Variants in CMTR1 observed in about 807,000 individuals in gnomAD.
CMTR1 encodes cap methyltransferase 1.
Under a neutral mutation model 107.0 loss-of-function variants are expected in CMTR1, and 39 were observed. That is an observed-to-expected ratio of 0.36 (90% confidence interval 0.28 to 0.48). The LOEUF (loss-of-function observed/expected upper bound fraction) is 0.48, where lower values mean the gene tolerates loss of function less well. CMTR1 is among the 20% of genes least tolerant of loss of function. The pLI, the probability that CMTR1 is intolerant of heterozygous loss-of-function variation, is 0.99. For synonymous variants in CMTR1, 366 were observed against 379.5 expected, an observed-to-expected ratio of 0.96 and a Z score of 0.41; for missense variants, 672 against 1,064.9, an observed-to-expected ratio of 0.63 and a Z score of 5.14.
At chr6:37,445,850 G>A (rs905177254) in intron 3 of CMTR1, among the ~76,000 whole-genome samples, 3 of 152,136 alleles carry the variant, frequency 2.0e-5, no homozygotes, top group East Asian at 1.9e-4. Flanking sequence ...CTCCTGCCAA[G>A]CCACTTATCC....
At chr6:37,469,253 T>C (rs759813315) in intron 13 of CMTR1, among the ~76,000 whole-genome samples, 4 of 152,188 alleles carry the variant, frequency 2.6e-5, no homozygotes, top group African/African-American at 9.6e-5. Flanking sequence ...TTTAAAGATA[T>C]GATTCCATGG....
rs80013490 is a variant in CMTR1 at position 37,438,392 on chromosome 6, A to G, written c.133+2630A>G. Among the ~76,000 whole-genome samples the G allele has an allele frequency of 5.3e-4, 80 of 152,296 alleles. No individual in the cohort carries two copies. In the East Asian group the frequency reaches 0.015, roughly 29 times the overall value. On this transcript the variant is annotated intron_variant, in intron 2 of 23. Transcript: ENST00000373451. ...AAGACCCTATCTCAAAAAGAAAAAA[A>G]AAAGAATGGAAATCCAGAGGTGTCC...
At chr6:37,424,078 C>T in the CMTR1 span, among the ~76,000 whole-genome samples, 2 of 152,046 alleles carry the variant, frequency 1.3e-5, no homozygotes, top group Non-Finnish European at 2.9e-5. Flanking sequence ...GCACAACTGC[C>T]GGCATTCACC....
chr6:37,463,052 AG>A, intron 13 of CMTR1, 44 bp downstream of exon 13: 1 of 1,577,758 alleles, frequency 6.3e-7, no homozygotes, highest in Non-Finnish European at 8.7e-7. Flanking sequence ...TGAGGTCCTA[AG>A]GAAGACCAGA....
intron 4 of CMTR1, 64 bp from the exon 5 acceptor site, chr6:37,450,186 AT>A: frequency 7.3e-7 from 1 of 1,377,246 alleles, no homozygotes; most frequent in South Asian, 1.2e-5. Flanking sequence ...GGAAGTCCTG[AT>A]GAGTTGGGGT....
Position 37,461,983 on chromosome 6 carries a change from C to G in CMTR1, c.1206C>G (p.Ile402Met). 1 of 1,613,744 alleles carries G rather than the reference C, an allele frequency of 6.2e-7. No individual in the cohort carries two copies. ...LSIVRTGGHF[I>M]CKTFDLFTPF... The stretch of plus-strand genomic sequence containing the variant: ...TCTCTAATCTAGGAGGCCACTTCAT[C>G]TGTAAAACCTTTGACCTGTTCACAC... Residue 402 changes from isoleucine (I) to methionine (M), a missense_variant, in exon 12 of 24, where the codon ATC becomes ATG. Around this residue, in one of 2 missense-constraint regions of CMTR1, gnomAD observed 583 missense variants for 968.4 expected, o/e 0.60. Coordinates refer to ENST00000373451, the MANE Select transcript of CMTR1 (RefSeq NM_015050.3).
At chr6:37,442,125 C>G (rs1301208717) in intron 2 of CMTR1, among the ~76,000 whole-genome samples, 1 of 152,236 alleles carries the variant, frequency 6.6e-6, no homozygotes, top group African/African-American at 2.4e-5. Flanking sequence ...TTTAAGCTCT[C>G]TAAGGGTTGT....
chr6:37,475,964 G>A, intron 19 of CMTR1, 162 bp from the exon 20 acceptor site: 1 of 654,732 alleles, frequency 1.5e-6, no homozygotes, highest in Non-Finnish European at 2.8e-6. Flanking sequence ...CGGTGGAGAA[G>A]GGCAGGGCGG....
At chr6:37,444,501 G>T (rs1167536940) in intron 3 of CMTR1, among the ~76,000 whole-genome samples, 1 of 152,162 alleles carries the variant, frequency 6.6e-6, no homozygotes, top group East Asian at 1.9e-4. Flanking sequence ...TTGCTCTAGT[G>T]AGTGGTGTCA....
chr6:37,469,046 A>C (rs1761569557), intron 13 of CMTR1, among the ~76,000 whole-genome samples: 1 of 152,136 alleles, frequency 6.6e-6, no homozygotes, highest in African/African-American at 2.4e-5. Context: ...CTGGCCAAAG[A>C]ATTGCTTGAA....
At chr6:37,453,178 C>T in intron 7 of CMTR1, 37 bp downstream of exon 7, 1 of 1,612,472 alleles carries the variant, frequency 6.2e-7, no homozygotes, top group Non-Finnish European at 8.5e-7. Context: ...CTGATGCTCC[C>T]TGCTCTACCT....
chr6:37,424,134 A>G, the CMTR1 span, among the ~76,000 whole-genome samples: 13 of 152,032 alleles, frequency 8.6e-5, no homozygotes, highest in African/African-American at 3.1e-4. Flanking sequence ...GCTCGATTTT[A>G]CAGGCTGCTC....
At position 37,446,449 on chromosome 6, in the gene CMTR1, GGTAA is replaced by G; in HGVS notation, c.444+3_444+6del. 2 of 1,612,056 alleles carry G rather than the reference GGTAA, an allele frequency of 1.2e-6. No homozygotes were observed. The highest frequency in any genetic ancestry group is 1.7e-6 in the Non-Finnish European group (2 of 1,179,818). ...ACGTGGACTGGCGAGATGAGCCAGA[GGTAA>G]GTGTTAAAGTGAGGAGGAGATGGAA... On this transcript the variant is annotated splice_donor_variant and splice_donor_region_variant and intron_variant, in intron 4 of 23. Coordinates refer to ENST00000373451, the MANE Select transcript of CMTR1 (RefSeq NM_015050.3). LOFTEE classifies it high-confidence loss of function.
chr6:37,458,571 C>G lies in CMTR1; in HGVS notation c.778-41C>G, dbSNP rs775502123. On this transcript the variant is annotated intron_variant, in intron 8 of 23. Transcript: ENST00000373451. The surrounding 1 kb of genome is among the most constrained non-coding windows in gnomAD (Gnocchi z 4.7). Reference sequence around the variant, plus strand: ...TCCTTCCTGTTGCCCATTGAGCTGTCTTGTTTTCCTTCCTCTCCTGTCCTC... The same window carrying G: ...TCCTTCCTGTTGCCCATTGAGCTGTGTTGTTTTCCTTCCTCTCCTGTCCTC... 1.1e-5 allele frequency: 17 copies of G among 1,601,596 alleles called. No homozygotes were observed. Among genetic ancestry groups the G allele is most frequent in the Non-Finnish European group, 1.4e-5 (17 of 1,172,564 alleles).
chr6:37,459,274 G>C (rs1286501387), intron 9 of CMTR1, among the ~76,000 whole-genome samples: 1 of 152,270 alleles, frequency 6.6e-6, no homozygotes, highest in African/African-American at 2.4e-5. Flanking sequence ...TTTCTGAACA[G>C]TCCTTATTAC....
At chr6:37,434,238 G>T (rs548198467) in intron 1 of CMTR1, among the ~76,000 whole-genome samples, 1 of 152,168 alleles carries the variant, frequency 6.6e-6, no homozygotes, top group Admixed American at 6.5e-5. Flanking sequence ...TTCTCAGGAA[G>T]GTGGCGGTTG....
intron 2 of CMTR1, among the ~76,000 whole-genome samples, chr6:37,440,249 A>G (rs1169489635): frequency 6.6e-6 from 1 of 152,250 alleles, no homozygotes; most frequent in African/African-American, 2.4e-5. Context: ...ACTCCTATTT[A>G]CAACCTCATT....
rs1761803924 is a variant in CMTR1, at chr6:37,479,099, A to G, written c.2267-48A>G. 3 of 1,367,414 alleles carry G rather than the reference A, an allele frequency of 2.2e-6. No individual in the cohort carries two copies. The South Asian group carries it at 3.5e-5, about 16-fold the overall frequency. 84.7% of individuals were successfully genotyped at this position (1,367,414 alleles called of 1,614,324 possible). A position where few individuals can be genotyped will look rare whatever the true frequency, so the allele number is the denominator to read the frequency against. ...AGGAAGGTACACGCCTGTCCTCCACAAGTGCTTTGTGTCCCTTCTGGGCTT... is the reference window on the plus strand; with the variant it reads ...AGGAAGGTACACGCCTGTCCTCCACGAGTGCTTTGTGTCCCTTCTGGGCTT... On this transcript the variant is annotated intron_variant, in intron 22 of 23. Transcript: ENST00000373451.
rs140003659 is a variant in CMTR1 at position 37,441,266 on chromosome 6, G to A, written c.134-2733G>A. The stretch of plus-strand genomic sequence containing the variant: ...CTCTCCTCTGCATGGGAGAATAGAT[G>A]AGAGGCCCTAGAACGGTCTTGAGCC... On this transcript the variant is annotated intron_variant, in intron 2 of 23. Transcript: ENST00000373451. 9.2e-5 allele frequency among the ~76,000 whole-genome samples: 14 copies of A among 152,294 alleles called. No homozygotes were observed. In the East Asian group the frequency reaches 2.7e-3, roughly 29 times the overall value.
Sources: allele counts gnomAD v4.1 joint callset (sites outside exome capture counted in the v4.1 genomes callset), GRCh38; gene constraint gnomAD v4.1.1; regional missense constraint gnomAD v4.1.1; non-coding constraint Gnocchi (gnomAD v3.1); transcripts MANE v1.5; gene names NCBI Gene and HGNC (gene_info 2026-07-23, HGNC 2026-07-21).